SCFD2: variants seen among roughly 807,000 people sequenced by gnomAD.
SCFD2 encodes the protein sec1 family domain-containing protein 2.
In SCFD2, 54 loss-of-function variants were observed where a neutral mutation model predicts 58.9. The observed-to-expected ratio is 0.92, with a 90% CI of 0.74 to 1.15. The LOEUF (loss-of-function observed/expected upper bound fraction) is 1.15, where lower values mean the gene tolerates loss of function less well. Ranked by LOEUF, SCFD2 falls within the 50% of genes most tolerant of loss-of-function variation. SCFD2 has a pLI of 0.00. For missense variants in SCFD2, 805 were observed against 836.6 expected (o/e 0.96, Z 0.47); for synonymous variants, 321 against 335.9 (o/e 0.96, Z 0.49).
At chr4:53,216,858 A>T (rs1205954990) in intron 4 of SCFD2, among the ~76,000 whole-genome samples, 1 of 152,012 alleles carries the variant, frequency 6.6e-6, no homozygotes, top group African/African-American at 2.4e-5. Flanking sequence ...CTTTGTTCTC[A>T]TTGGTTTCAA....
intron 5 of SCFD2, among the ~76,000 whole-genome samples, chr4:52,941,902 C>A (rs1458593017): frequency 6.6e-6 from 1 of 152,162 alleles, no homozygotes; most frequent in African/African-American, 2.4e-5. Context: ...GGTTGAGCAT[C>A]CTTAATCTGA....
intron 2 of SCFD2, among the ~76,000 whole-genome samples, chr4:53,348,964 A>G (rs1734138562): frequency 6.6e-6 from 1 of 151,990 alleles, no homozygotes; most frequent in Non-Finnish European, 1.5e-5. Context: ...CAAGTGATCC[A>G]CCAATCTGGG....
At chr4:53,253,795 C>G (rs536500530) in intron 4 of SCFD2, among the ~76,000 whole-genome samples, 1 of 147,454 alleles carries the variant, frequency 6.8e-6, no homozygotes, top group African/African-American at 2.5e-5. Context: ...TGCTAAATGA[C>G]GAGTTAATGA....
At chr4:53,066,634 T>C (rs1281598219) in intron 5 of SCFD2, among the ~76,000 whole-genome samples, 1 of 152,080 alleles carries the variant, frequency 6.6e-6, no homozygotes, top group Non-Finnish European at 1.5e-5. Flanking sequence ...TTTTTAGTGA[T>C]CTGGGCCCCC....
At chr4:53,333,011 G>A (rs1284288434) in intron 2 of SCFD2, among the ~76,000 whole-genome samples, 3 of 149,710 alleles carry the variant, frequency 2.0e-5, no homozygotes, top group Admixed American at 1.3e-4. Context: ...GCTTCAAAGA[G>A]AATAAAATAC....
chr4:53,336,265 CA>C (rs1313265671), intron 2 of SCFD2, among the ~76,000 whole-genome samples: 3 of 151,866 alleles, frequency 2.0e-5, no homozygotes, highest in Non-Finnish European at 4.4e-5. Context: ...CCACAGAAAA[CA>C]AAAACAGAAA....
At position 52,893,031 on chromosome 4, in the gene SCFD2, A is replaced by T. The variant is rs1223377725; in HGVS notation, c.1843-7165T>A. 8.5e-4 allele frequency among the ~76,000 whole-genome samples: 130 copies of T among 152,242 alleles called. 2 individuals carry two copies. Among genetic ancestry groups the T allele is most frequent in the Non-Finnish European group, 2.5e-4 (17 of 68,048 alleles). On this transcript the variant is annotated intron_variant, in intron 7 of 8. Coordinates refer to ENST00000401642, the MANE Select transcript of SCFD2 (RefSeq NM_152540.4). ...ATGGAGTATGATTAAGAAAAAGAAA[A>T]TATAAACAATGGTTTCAAATAGTGT...
chr4:53,234,300 C>T (rs1314886518), intron 4 of SCFD2, among the ~76,000 whole-genome samples: 3 of 152,200 alleles, frequency 2.0e-5, no homozygotes, highest in Non-Finnish European at 4.4e-5. Flanking sequence ...TTCCCCTCCA[C>T]TATTTGGAAG....
At chr4:53,161,140 T>A (rs1182265565) in intron 4 of SCFD2, among the ~76,000 whole-genome samples, 1 of 152,132 alleles carries the variant, frequency 6.6e-6, no homozygotes, top group South Asian at 2.1e-4. Context: ...AAGTCCCTAC[T>A]CCTTAGAGGG....
At chr4:53,141,001 C>A (rs145545576) in intron 5 of SCFD2, among the ~76,000 whole-genome samples, 425 of 152,164 alleles carry the variant, frequency 2.8e-3, no homozygotes, top group African/African-American at 9.8e-3. Flanking sequence ...TCCTGAACTC[C>A]CTAATCCTTA....
At chr4:53,321,527 CAAT>C (rs1733027123) in intron 2 of SCFD2, among the ~76,000 whole-genome samples, 1 of 152,032 alleles carries the variant, frequency 6.6e-6, no homozygotes, top group African/African-American at 2.4e-5. Context: ...ACAGGATATG[CAAT>C]AATAGTCACA....
At chr4:53,133,135 T>C (rs1009464763) in intron 5 of SCFD2, among the ~76,000 whole-genome samples, 6 of 152,022 alleles carry the variant, frequency 3.9e-5, no homozygotes, top group African/African-American at 1.4e-4. Context: ...GAGACCATCC[T>C]GGCTAACACA....
rs1044999253 is a variant in SCFD2 at position 52,920,804 on chromosome 4, G to T, written c.1628C>A (p.Ser543Ter). Reference sequence around the variant, plus strand: ...CCGAGCTCCAGCAATATCCCGAAGTGAAGTAAAGAGTTCATCCACGGCAAT... The same window carrying T: ...CCGAGCTCCAGCAATATCCCGAAGTTAAGTAAAGAGTTCATCCACGGCAAT... ...SKIAVDELFT[S>*]LRDIAGARSL... Residue 543 changes from serine (S) to a stop codon, truncating the protein, a stop_gained, in exon 6 of 9, where the codon TCA (serine) becomes TAA (stop). Transcript: ENST00000401642. LOFTEE classifies it high-confidence loss of function. The T allele has an allele frequency of 1.9e-6, 3 of 1,610,426 alleles. No homozygotes were observed. In the African/African-American group the frequency reaches 4.0e-5, roughly 22 times the overall value.
intron 1 of SCFD2, among the ~76,000 whole-genome samples, chr4:53,362,403 T>C (rs1206226321): frequency 5.3e-5 from 8 of 152,200 alleles, no homozygotes; most frequent in Non-Finnish European, 8.8e-5. Flanking sequence ...GTAAATGATA[T>C]GTCATAGTTA....
chr4:52,879,856 G>A (rs1291853383), intron 8 of SCFD2, among the ~76,000 whole-genome samples: 2 of 152,252 alleles, frequency 1.3e-5, no homozygotes, highest in Non-Finnish European at 2.9e-5. Flanking sequence ...ATCAAAAGGA[G>A]CAAGGGGTAC....
chr4:52,985,908 T>C (rs1721480769), intron 5 of SCFD2, among the ~76,000 whole-genome samples: 1 of 151,970 alleles, frequency 6.6e-6, no homozygotes, highest in African/African-American at 2.4e-5. Flanking sequence ...ATGGGTAGAT[T>C]GGTGAGGTGC....
intron 2 of SCFD2, among the ~76,000 whole-genome samples, chr4:53,337,369 C>T (rs548149228): frequency 8.5e-5 from 13 of 152,236 alleles, no homozygotes; most frequent in African/African-American, 3.1e-4. Flanking sequence ...CTTTAATGGG[C>T]TTATCTCAAA....
intron 7 of SCFD2, among the ~76,000 whole-genome samples, chr4:52,888,277 G>T (rs1718790935): frequency 1.3e-5 from 2 of 152,146 alleles, no homozygotes; most frequent in Non-Finnish European, 2.9e-5. Flanking sequence ...TGCAAAGGCA[G>T]GCAGGCAGGA....
intron 5 of SCFD2, among the ~76,000 whole-genome samples, chr4:53,050,555 G>A (rs1217759514): frequency 1.3e-5 from 2 of 152,136 alleles, no homozygotes; most frequent in African/African-American, 4.8e-5. Flanking sequence ...CACAGTGGTG[G>A]GAGGCTATGA....
Sources: allele counts gnomAD v4.1 joint callset (sites outside exome capture counted in the v4.1 genomes callset), GRCh38; gene constraint gnomAD v4.1.1; transcripts MANE v1.5; gene names NCBI Gene and HGNC (gene_info 2026-07-23, HGNC 2026-07-21).